The following GPC3 variants were observed in gnomAD, a reference collection of about 807,000 sequenced individuals.
The protein encoded by GPC3 is glypican 3.
GPC3 carries 3 observed loss-of-function variants against 34.4 expected under a neutral mutation model. That is an observed-to-expected ratio of 0.09 (90% CI 0.04 to 0.23). The LOEUF is 0.23. GPC3 is among the 10% of genes least tolerant of loss of function. The pLI is 1.00. For missense variants in GPC3, 351 were observed against 445.6 expected, an observed-to-expected ratio of 0.79 and a Z score of 1.91; for synonymous variants, 177 against 174.0, an observed-to-expected ratio of 1.02 and a Z score of -0.13.
At chrX:133,762,346 A>G (rs1357673205) in intron 2 of GPC3, among the ~76,000 whole-genome samples, 2 of 112,191 alleles carry the variant, frequency 1.8e-5, no homozygotes, top group East Asian at 5.6e-4. Flanking sequence ...CCATTGCAGC[A>G]AAAACAAAAA....
intron 7 of GPC3, among the ~76,000 whole-genome samples, chrX:133,574,577 T>C (rs973453097): frequency 8.9e-5 from 10 of 112,136 alleles, no homozygotes; most frequent in Non-Finnish European, 1.7e-4. Context: ...TCAGCTAAGG[T>C]TGTAGGTTTT....
intron 2 of GPC3, among the ~76,000 whole-genome samples, chrX:133,894,586 T>C (rs1051006764): frequency 8.9e-6 from 1 of 112,131 alleles, no homozygotes; most frequent in African/African-American, 3.2e-5. Flanking sequence ...ACGCCTGTGG[T>C]CCTAGTACTT....
At chrX:133,872,623 A>C (rs1007570833) in intron 2 of GPC3, among the ~76,000 whole-genome samples, 9 of 112,282 alleles carry the variant, frequency 8.0e-5, no homozygotes, top group Non-Finnish European at 1.5e-4. Flanking sequence ...GATGACAGGA[A>C]AGGAGGAAGG....
chrX:133,549,779 C>T (rs2069416795), intron 7 of GPC3, among the ~76,000 whole-genome samples: 1 of 95,913 alleles, frequency 1.0e-5, no homozygotes, highest in Non-Finnish European at 2.1e-5. Context: ...CTCCCTCTCT[C>T]TCCCTCCCTC....
intron 2 of GPC3, among the ~76,000 whole-genome samples, chrX:133,758,622 C>T (rs1258792650): frequency 9.1e-6 from 1 of 110,496 alleles, no homozygotes; most frequent in Admixed American, 9.7e-5. Context: ...TGATAGGTTG[C>T]TAAGCACAGT....
intron 6 of GPC3, among the ~76,000 whole-genome samples, chrX:133,610,998 C>G (rs1818055129): frequency 9.2e-6 from 1 of 108,696 alleles, no homozygotes; most frequent in South Asian, 4.1e-4. Flanking sequence ...TTCAACCACA[C>G]CAGTGCTATA....
chrX:133,589,005 T>C (rs1165642645), intron 7 of GPC3, among the ~76,000 whole-genome samples: 2 of 111,382 alleles, frequency 1.8e-5, no homozygotes, highest in South Asian at 3.8e-4. Flanking sequence ...CTTTCCCCCA[T>C]AGCACTTGGA....
chrX:133,797,487 G>C (rs2075587908), intron 2 of GPC3, among the ~76,000 whole-genome samples: 1 of 110,896 alleles, frequency 9.0e-6, no homozygotes, highest in Admixed American at 9.6e-5. Flanking sequence ...ACCCCCCTGA[G>C]ATTCCTTAAA....
chrX:133,787,343 T>A (rs2072111318), intron 2 of GPC3, among the ~76,000 whole-genome samples: 1 of 112,693 alleles, frequency 8.9e-6, no homozygotes, highest in Non-Finnish European at 1.9e-5. Context: ...CAGTCCTGGA[T>A]ACTAGTTAGG....
chrX:133,725,181 CAA>C (rs968894605), intron 3 of GPC3, among the ~76,000 whole-genome samples: 3 of 111,579 alleles, frequency 2.7e-5, no homozygotes, highest in African/African-American at 9.8e-5. Context: ...TCACATAACA[CAA>C]GAGAATTCTC....
At chrX:133,954,027 A>G (rs982944992) in intron 1 of GPC3, among the ~76,000 whole-genome samples, 4 of 112,410 alleles carry the variant, frequency 3.6e-5, no homozygotes, top group Non-Finnish European at 7.5e-5. Context: ...GGAGGGACAA[A>G]ACTCAAAAAC....
At chrX:133,833,089 A>G (rs2124545303) in intron 2 of GPC3, among the ~76,000 whole-genome samples, 1 of 112,429 alleles carries the variant, frequency 8.9e-6, no homozygotes, top group Non-Finnish European at 1.9e-5. Flanking sequence ...GCAAGGTCTA[A>G]TTTTACTTTT....
chrX:133,740,332 A>G (rs182375253), intron 3 of GPC3, among the ~76,000 whole-genome samples: 26 of 112,346 alleles, frequency 2.3e-4, no homozygotes, highest in Admixed American at 1.9e-3. Flanking sequence ...TGATCTGGGA[A>G]TTGTTAACAT....
At chrX:133,823,322 T>C (rs1226255474) in intron 2 of GPC3, among the ~76,000 whole-genome samples, 1 of 109,371 alleles carries the variant, frequency 9.1e-6, no homozygotes, top group Non-Finnish European at 1.9e-5. Context: ...CAGTGAAATA[T>C]CTTTCAGAAA....
chrX:133,839,054 T>G (rs374799317), intron 2 of GPC3, among the ~76,000 whole-genome samples: 166 of 111,592 alleles, frequency 1.5e-3, no homozygotes, highest in African/African-American at 5.1e-3. Flanking sequence ...TCAGAAGGAC[T>G]TTATCTCTCA....
At chrX:133,856,043 AT>A (rs2075899384) in intron 2 of GPC3, among the ~76,000 whole-genome samples, 1 of 111,819 alleles carries the variant, frequency 8.9e-6, no homozygotes, top group East Asian at 2.8e-4. Context: ...CAATATTTCC[AT>A]ATCTTGGCTA....
intron 3 of GPC3, among the ~76,000 whole-genome samples, chrX:133,742,557 C>T (rs970884456): frequency 3.6e-5 from 4 of 111,813 alleles, no homozygotes; most frequent in Admixed American, 2.9e-4. Flanking sequence ...CATCTATTAA[C>T]TATATGAAAA....
At chrX:133,754,255 G>A in intron 2 of GPC3, 79 bp from the exon 3 acceptor site, 4 of 755,569 alleles carry the variant, frequency 5.3e-6, no homozygotes, top group Non-Finnish European at 7.9e-6. Context: ...ATGAATTTGA[G>A]ACTTCTCTAT....
Position 133,610,928 on chromosome X carries a change from C to G in GPC3, c.1414-14329G>C, listed in dbSNP as rs779335689. Among the ~76,000 whole-genome samples, 16 of 106,711 alleles carry G rather than the reference C, an allele frequency of 1.5e-4. No individual in the cohort carries two copies. The East Asian group carries it at 4.1e-3, about 27-fold the overall frequency. 92.7% of individuals were successfully genotyped at this position (106,711 alleles called of 115,157 possible). A position where few individuals can be genotyped will look rare whatever the true frequency, so the allele number is the denominator to read the frequency against. Reference sequence around the variant, plus strand: ...GGTAAAATCCCCCTCTCACCTCCCCCCAACCCCGACTTTACAGGGGAAGAC... The same window carrying G: ...GGTAAAATCCCCCTCTCACCTCCCCGCAACCCCGACTTTACAGGGGAAGAC... On this transcript the variant is annotated intron_variant, in intron 6 of 7. Transcript: ENST00000370818.
Sources: gnomAD v4.1 joint callset for allele counts (sites outside exome capture counted in the v4.1 genomes callset) on GRCh38, gnomAD v4.1.1 for gene constraint, MANE v1.5 for transcripts, NCBI Gene and HGNC (gene_info 2026-07-23, HGNC 2026-07-21) for gene names.